The following SLC25A34 variants were observed in gnomAD, a reference collection of about 807,000 sequenced individuals.
SLC25A34 encodes solute carrier family 25 member 34, also known as solute carrier family 25, member 34.
Under a neutral mutation model 28.1 loss-of-function variants are expected in SLC25A34, and 26 were observed. That is an observed-to-expected ratio of 0.93 (90% CI 0.68 to 1.28). The LOEUF is 1.28. Among genes scored for constraint, SLC25A34 ranks in the 50% most tolerant of loss-of-function variants. SLC25A34 has a pLI of 0.00. For synonymous variants in SLC25A34, 182 were observed against 182.2 expected, an observed-to-expected ratio of 1.00 and a Z score of 0.01; for missense variants, 384 against 409.8, an observed-to-expected ratio of 0.94 and a Z score of 0.54.
chr1:15,738,708 C>T lies in SLC25A34; in HGVS notation c.712C>T (p.Pro238Ser). The T allele has an allele frequency of 1.3e-6, 2 of 1,583,302 alleles. No homozygotes were observed. Among genetic ancestry groups the T allele is most frequent in the South Asian group, 2.3e-5 (2 of 88,880 alleles). Residue 238 changes from proline (P) to serine (S), a missense_variant, in exon 4 of 5, where the codon CCG (proline) becomes TCG (serine). Transcript: ENST00000294454. ...DVVSTRLYNQ[P>S]VDTAGRGQLY... ...GGTCAGCACGCGGCTATACAATCAGCCGGTGGACACAGCTGGCAGGGTGAG... is the reference window on the plus strand; with the variant it reads ...GGTCAGCACGCGGCTATACAATCAGTCGGTGGACACAGCTGGCAGGGTGAG...
rs2068245622 is a variant in SLC25A34 at position 15,738,248 on chromosome 1, G to A, written c.597+3G>A. The stretch of plus-strand genomic sequence containing the variant: ...AGGCCTGGGTACAGAAGCAACAGGT[G>A]AGGAGCTGGGGACACCTGTGCCTAT... On this transcript the variant is annotated splice_donor_region_variant and intron_variant, in intron 3 of 4. Transcript: ENST00000294454. The A allele has an allele frequency of 6.3e-7, 1 of 1,595,026 alleles. No individual in the cohort carries two copies. The highest frequency in any genetic ancestry group is 1.3e-5 in the African/African-American group (1 of 74,432).
chr1:15,736,356 G>T lies in SLC25A34; in HGVS notation c.-130G>T. On this transcript the variant is annotated 5_prime_UTR_variant, in exon 1 of 5. Transcript: ENST00000294454. ...GTCAGACCAGGACCCTTACCCTCTA[G>T]ACATGGCCTCGGTCCCCTGCAAACC... The T allele has an allele frequency of 9.7e-7, 1 of 1,033,816 alleles. No homozygotes were observed. Among genetic ancestry groups the T allele is most frequent in the Non-Finnish European group, 1.3e-6 (1 of 786,668 alleles). The allele number at this position is 1,033,816 out of a possible 1,614,324, so 64.0% of individuals were successfully genotyped here. A position where few individuals can be genotyped will look rare whatever the true frequency, so the allele number is the denominator to read the frequency against.
Position 15,736,791 on chromosome 1 carries a change from A to C in SLC25A34, c.306A>C (p.Gln102His). The C allele has an allele frequency of 6.2e-7, 1 of 1,603,074 alleles. No individual in the cohort carries two copies. Among genetic ancestry groups the C allele is most frequent in the Non-Finnish European group, 8.5e-7 (1 of 1,177,966 alleles). ...CGTGCCAGGCTGGCCTCACGCAGCA[A>C]CCAGGTGGCACCGTGGTTGCGGGAG... is the stretch of plus-strand genomic sequence containing the variant. ...SLACQAGLTQ[Q>H]PGGTVVAGAV... The change falls in exon 1 of 5, where the codon CAA becomes CAC. Residue 102 changes from glutamine to histidine, a missense_variant. Gln to His is a conservative substitution (Grantham distance 24). Coordinates refer to ENST00000294454, the MANE Select transcript of SLC25A34 (RefSeq NM_207348.3).
chr1:15,738,513 T>A, intron 3 of SLC25A34, 81 bp from the exon 4 acceptor site: 1 of 1,537,012 alleles, frequency 6.5e-7, no homozygotes, highest in Admixed American at 2.1e-5. Flanking sequence ...TTTTAGCCCC[T>A]GTGTGGTAGG....
intron 3 of SLC25A34, 124 bp from the exon 4 acceptor site, chr1:15,738,470 G>T: frequency 7.2e-7 from 1 of 1,396,978 alleles, no homozygotes; most frequent in Non-Finnish European, 9.5e-7. Flanking sequence ...GGGATGGCTG[G>T]AGGGGCCTCA....
At position 15,738,218 on chromosome 1, in the gene SLC25A34, T is replaced by C; in HGVS notation, c.570T>C (p.Ser190=). 1 of 1,603,124 alleles carries C rather than the reference T, an allele frequency of 6.2e-7. No homozygotes were observed. The highest frequency in any genetic ancestry group is 8.5e-7 in the Non-Finnish European group (1 of 1,174,984). The change falls in exon 3 of 5, where the codon TCT becomes TCC. Residue 190 remains serine (S), a synonymous_variant. Transcript: ENST00000294454. ...GSAAQLATFA[S]AKAWVQKQQW... is the part of the protein sequence containing the mutation. ...CTGCCCAGCTGGCCACCTTCGCCTC[T>C]GCCAAGGCCTGGGTACAGAAGCAAC...
rs369422240 is a variant in SLC25A34, at chr1:15,738,001, C to G, written c.444+7C>G. ...ACACCAGCACAATCACCAGGTGAGG[C>G]CTGCCACTCTCAGAGCTCCCTGGGG... On this transcript the variant is annotated splice_region_variant and intron_variant, in intron 2 of 4. Transcript: ENST00000294454. 4 of 1,613,820 alleles carry G rather than the reference C, an allele frequency of 2.5e-6. No individual in the cohort carries two copies. The highest frequency in any genetic ancestry group is 1.7e-5 in the Admixed American group (1 of 60,002).
chr1:15,738,604 AG>A lies in SLC25A34; in HGVS notation c.610del (p.Asp204ThrfsTer11). The A allele has an allele frequency of 6.2e-7, 1 of 1,606,892 alleles. No homozygotes were observed. The highest frequency in any genetic ancestry group is 8.5e-7 in the Non-Finnish European group (1 of 1,178,170). ...GTGCCATCCCCACAGTGGCTCCCTG[AG>A]GACAGCTGGCTGGTGGCCCTGGCTG... ...AWVQKQQWLP[E>X]DSWLVALAGG... On this transcript the variant is annotated frameshift_variant, in exon 4 of 5. Coordinates refer to ENST00000294454, the MANE Select transcript of SLC25A34 (RefSeq NM_207348.3). LOFTEE classifies it high-confidence loss of function.
chr1:15,737,939 A>G lies in SLC25A34; in HGVS notation c.389A>G (p.Gln130Arg). Residue 130 changes from glutamine to arginine, a missense_variant, in exon 2 of 5, where the codon CAG becomes CGG. Transcript: ENST00000294454. ...TCTCTGCTCCCATAGATCAAAACGCAGCTGCAAGCTCAGACAGTGGCCGCA... is the reference window on the plus strand; with the variant it reads ...TCTCTGCTCCCATAGATCAAAACGCGGCTGCAAGCTCAGACAGTGGCCGCA... Reference protein sequence around the residue: ...VGSPAYLIKTQLQAQTVAAVA... With the variant: ...VGSPAYLIKTRLQAQTVAAVA... The G allele has an allele frequency of 6.2e-7, 1 of 1,614,072 alleles. No homozygotes were observed. Among genetic ancestry groups the G allele is most frequent in the Non-Finnish European group, 8.5e-7 (1 of 1,180,022 alleles).
In SLC25A34 at chr1:15,736,415, C is replaced by G; in HGVS notation, c.-71C>G. 2 of 1,370,840 alleles carry G rather than the reference C, an allele frequency of 1.5e-6. No individual in the cohort carries two copies. Among genetic ancestry groups the G allele is most frequent in the Non-Finnish European group, 9.4e-7 (1 of 1,066,670 alleles). The allele number at this position is 1,370,840 out of a possible 1,614,324, so 84.9% of individuals were successfully genotyped here. ...GTAGCCCTGCGAGGTTACAGACAGC[C>G]TAAACGCCACCACCACAGGGCCTGT... is the stretch of plus-strand genomic sequence containing the variant. On this transcript the variant is annotated 5_prime_UTR_variant, in exon 1 of 5. Coordinates refer to ENST00000294454, the MANE Select transcript of SLC25A34 (RefSeq NM_207348.3).
Position 15,736,642 on chromosome 1 carries a change from T to G in SLC25A34, c.157T>G (p.Phe53Val). ...CACCTACCCACGGCCCTACCATGGC[T>G]TCATAGCCTCTGTCGCTGCTGTGGC... ...RGTYPRPYHG[F>V]IASVAAVARA... The change falls in exon 1 of 5, where the codon TTC becomes GTC. Residue 53 changes from phenylalanine (F) to valine (V), a missense_variant. Transcript: ENST00000294454. 1.3e-6 allele frequency: 2 copies of G among 1,591,632 alleles called. No homozygotes were observed. Among genetic ancestry groups the G allele is most frequent in the Non-Finnish European group, 1.7e-6 (2 of 1,170,202 alleles).
intron 1 of SLC25A34, among the ~76,000 whole-genome samples, chr1:15,737,516 G>C (rs976128030): frequency 6.6e-6 from 1 of 151,020 alleles, no homozygotes; most frequent in African/African-American, 2.4e-5. Context: ...CTTGCAGTGA[G>C]CCAAGATCAT....
rs758602423 is a variant in SLC25A34 at position 15,738,124 on chromosome 1, G to A, written c.476G>A (p.Arg159Gln). 31 of 1,605,234 alleles carry A rather than the reference G, an allele frequency of 1.9e-5. No individual in the cohort carries two copies. The highest frequency in any genetic ancestry group is 1.5e-4 in the Admixed American group (9 of 59,450). The change falls in exon 3 of 5, where the codon CGG (arginine) becomes CAG (glutamine). Residue 159 changes from arginine (R) to glutamine (Q), a missense_variant. Transcript: ENST00000294454. ...CTGGGTGCCTTGGAGACCATCTGGCGGCAGCAAGGGCTCTTGGGGCTGTGG... is the reference window on the plus strand; with the variant it reads ...CTGGGTGCCTTGGAGACCATCTGGCAGCAGCAAGGGCTCTTGGGGCTGTGG... ...TVLGALETIW[R>Q]QQGLLGLWQG...
At position 15,739,891 on chromosome 1, in the gene SLC25A34, T is replaced by C. The variant is rs1446827606; in HGVS notation, c.*485T>C. 1 of 152,564 alleles carries C rather than the reference T, an allele frequency of 6.6e-6. No homozygotes were observed. The highest frequency in any genetic ancestry group is 6.5e-5 in the Admixed American group (1 of 15,292). The allele number at this position is 152,564 out of a possible 1,614,324, so 9.5% of individuals were successfully genotyped here. On this transcript the variant is annotated 3_prime_UTR_variant, in exon 5 of 5. Transcript: ENST00000294454. ...CTTAGCCCTGCTCACCCTAGACCTA[T>C]GCGCTTGACAAGTGCGTGACTGTGA...
rs898673090 is a variant in SLC25A34, at chr1:15,740,276, T to G, written c.*870T>G. ...AGGGCCCACCCTCATGACCCCACTT[T>G]AATTTTTTTTTTTTTTTTTGAGATG... On this transcript the variant is annotated 3_prime_UTR_variant, in exon 5 of 5. Coordinates refer to ENST00000294454, the MANE Select transcript of SLC25A34 (RefSeq NM_207348.3). 4.7e-5 allele frequency: 7 copies of G among 149,868 alleles called. No homozygotes were observed. Among genetic ancestry groups the G allele is most frequent in the African/African-American group, 1.8e-4 (7 of 39,656 alleles). The allele number at this position is 149,868 out of a possible 1,614,324, so 9.3% of individuals were successfully genotyped here. A position where few individuals can be genotyped will look rare whatever the true frequency, so the allele number is the denominator to read the frequency against.
chr1:15,738,834 C>T (rs1211481119), intron 4 of SLC25A34, 106 bp downstream of exon 4: 2 of 1,346,210 alleles, frequency 1.5e-6, no homozygotes, highest in Non-Finnish European at 1.9e-6. Flanking sequence ...ACATGCACAG[C>T]CAGAGACACG....
rs899284042 is a variant in SLC25A34, at chr1:15,736,318, C to T, written c.-168C>T. On this transcript the variant is annotated 5_prime_UTR_variant, in exon 1 of 5. Transcript: ENST00000294454. Reference sequence around the variant, plus strand: ...GCTGAGATAGACCAGGGACACCAGGCAGCCACAGGCCTGTCAGACCAGGAC... The same window carrying T: ...GCTGAGATAGACCAGGGACACCAGGTAGCCACAGGCCTGTCAGACCAGGAC... The T allele has an allele frequency of 3.1e-5, 18 of 576,826 alleles. No individual in the cohort carries two copies. The highest frequency in any genetic ancestry group is 4.4e-5 in the Non-Finnish European group (17 of 385,050). 35.7% of individuals were successfully genotyped at this position (576,826 alleles called of 1,614,324 possible).
intron 3 of SLC25A34, 50 bp downstream of exon 3, chr1:15,738,295 AG>A: frequency 1.3e-6 from 2 of 1,531,266 alleles, no homozygotes; most frequent in African/African-American, 2.8e-5. Context: ...CACCGGACTG[AG>A]GGGGGCCACC....
Position 15,739,488 on chromosome 1 carries a change from C to G in SLC25A34, c.*82C>G, listed in dbSNP as rs147697436. The G allele has an allele frequency of 6.9e-7, 1 of 1,449,384 alleles. No individual in the cohort carries two copies. The highest frequency in any genetic ancestry group is 9.1e-7 in the Non-Finnish European group (1 of 1,099,732). The allele number at this position is 1,449,384 out of a possible 1,614,324, so 89.8% of individuals were successfully genotyped here. On this transcript the variant is annotated 3_prime_UTR_variant, in exon 5 of 5. Coordinates refer to ENST00000294454, the MANE Select transcript of SLC25A34 (RefSeq NM_207348.3). ...CCTGCTCCAGGACAACTGGCTGTCC[C>G]GGGGCGGGCCATGGGCCCAGGCCCT...
Sources: allele counts gnomAD v4.1 joint callset (sites outside exome capture counted in the v4.1 genomes callset), GRCh38; gene constraint gnomAD v4.1.1; transcripts MANE v1.5; gene names NCBI Gene and HGNC (gene_info 2026-07-23, HGNC 2026-07-21).